The following FASN variants were observed in gnomAD, a reference collection of about 807,000 sequenced individuals.
FASN encodes the protein 3-hydroxyacyl-[acyl-carrier-protein] dehydratase.
A neutral mutation model predicts 250.0 loss-of-function variants in FASN; 50 were observed. That is an observed-to-expected ratio of 0.20 (90% CI 0.16 to 0.25). The LOEUF is 0.25. Ranked by LOEUF, FASN falls within the 10% of genes least tolerant of loss-of-function variation. FASN has a pLI of 1.00. For synonymous variants in FASN, 1,909 were observed against 1,584.0 expected, an observed-to-expected ratio of 1.21 and a Z score of -4.87; for missense variants, 3,031 against 3,498.5, an observed-to-expected ratio of 0.87 and a Z score of 3.37.
chr17:82,085,035 C>T lies in FASN; in HGVS notation c.4409G>A (p.Arg1470Gln), dbSNP rs1189747783. ...LRREPGGNRL[R>Q]CVLLSNLSST... ...AAGTGGTGAGGGGCCGTGCTCCTAC[C>T]GGAGGCGGTTCCCGCCGGGCTCTCG... is the stretch of plus-strand genomic sequence containing the variant. The change falls in exon 25 of 43, where the codon CGG becomes CAG. Residue 1470 changes from arginine to glutamine, a missense_variant and splice_region_variant. Physicochemically the swap from Arg to Gln is conservative, Grantham distance 43 (BLOSUM62 1). Transcript: ENST00000306749. The T allele has an allele frequency of 6.2e-7, 1 of 1,609,212 alleles. No homozygotes were observed.
At chr17:82,086,633 C>T (rs1295726607) in intron 21 of FASN, 75 bp from the exon 22 acceptor site, 1 of 1,142,034 alleles carries the variant, frequency 8.8e-7, no homozygotes, top group East Asian at 2.5e-5. Flanking sequence ...CTCAGACCCA[C>T]TCTGTCCTTC....
Position 82,087,050 on chromosome 17 carries a change from C to T in FASN, c.3427G>A (p.Gly1143Arg), listed in dbSNP as rs539559203. 8.1e-6 allele frequency: 13 copies of T among 1,611,016 alleles called. No homozygotes were observed. In the African/African-American group the frequency reaches 9.3e-5, roughly 12 times the overall value. Residue 1143 changes from glycine (G) to arginine (R), a missense_variant and splice_region_variant, in exon 21 of 43, where the codon GGG becomes AGG. Gly to Arg is a moderately radical substitution (Grantham distance 125, BLOSUM62 -2). Coordinates refer to ENST00000306749, the MANE Select transcript of FASN (RefSeq NM_004104.5). ...GAAGCCAGCAGGGCTGGGACCTCAC[C>T]CTTGCACAGTTGCAGCTCCTCCTGC... ...ALQEELQLCK[G>R]LVQALQTKVT...
chr17:82,081,593 G>C lies in FASN; in HGVS notation c.6406+8C>G. ...ACACCTGGCGCGGCTCCTACTGGGA[G>C]TGCTCACCCAGGATGTGTGCCACGG... On this transcript the variant is annotated splice_region_variant and intron_variant, in intron 37 of 42. Transcript: ENST00000306749. The C allele has an allele frequency of 6.2e-7, 1 of 1,612,106 alleles. No individual in the cohort carries two copies.
chr17:82,086,821 T>C (rs913674257), intron 21 of FASN, among the ~76,000 whole-genome samples: 1 of 151,944 alleles, frequency 6.6e-6, no homozygotes, highest in Non-Finnish European at 1.5e-5. Context: ...TCTGTCATCT[T>C]TGCCCCCAAG....
rs534301750 is a variant in FASN at position 82,091,001 on chromosome 17, G to A, written c.1561C>T (p.Leu521=). The A allele has an allele frequency of 5.0e-6, 8 of 1,612,874 alleles. No individual in the cohort carries two copies. Among genetic ancestry groups the A allele is most frequent in the Admixed American group, 1.7e-5 (1 of 60,026 alleles). ...GGCTTCACAGCCTCATCGGAGCGTAGGATGGAATCTCGGAAGCGGTCCAGG... is the reference window on the plus strand; with the variant it reads ...GGCTTCACAGCCTCATCGGAGCGTAAGATGGAATCTCGGAAGCGGTCCAGG... ...MRLDRFRDSI[L]RSDEAVKPFG... is the part of the protein sequence containing the mutation. The change falls in exon 10 of 43, where the codon CTA becomes TTA. Residue 521 remains leucine (L), a synonymous_variant. Coordinates refer to ENST00000306749, the MANE Select transcript of FASN (RefSeq NM_004104.5).
At chr17:82,089,211 C>T (rs765447923) in intron 13 of FASN, 39 bp from the exon 14 acceptor site, 5 of 1,607,116 alleles carry the variant, frequency 3.1e-6, no homozygotes, top group Non-Finnish European at 4.2e-6. Flanking sequence ...TTGTGGGTCC[C>T]CTGGCCCGCC....
At chr17:82,087,886 G>A in intron 18 of FASN, 25 bp from the exon 19 acceptor site, 1 of 1,612,492 alleles carries the variant, frequency 6.2e-7, no homozygotes, top group South Asian at 1.1e-5. Flanking sequence ...GTGCGGAAGG[G>A]CCTGAGGACG....
In FASN at chr17:82,080,402, C is replaced by T; in HGVS notation, c.7015G>A (p.Gly2339Ser). The T allele has an allele frequency of 1.2e-6, 2 of 1,602,802 alleles. No individual in the cohort carries two copies. The highest frequency in any genetic ancestry group is 1.7e-6 in the Non-Finnish European group (2 of 1,175,342). ...TAGGCCAGTACGTAGGTGGGCGAGC[C>T]GTCGAACAGGAAGAGGCTGTTGTGG... The part of the protein sequence containing the change: ...PTHNSLFLFD[G>S]SPTYVLAYTQ... The change falls in exon 40 of 43, where the codon GGC becomes AGC. Residue 2339 changes from glycine to serine, a missense_variant. Gly to Ser is a moderately conservative substitution (Grantham distance 56). Transcript: ENST00000306749.
chr17:82,085,160 C>T lies in FASN; in HGVS notation c.4288-4G>A, dbSNP rs529907218. The T allele has an allele frequency of 2.5e-6, 4 of 1,612,490 alleles. No individual in the cohort carries two copies. Among genetic ancestry groups the T allele is most frequent in the South Asian group, 1.1e-5 (1 of 91,080 alleles). On this transcript the variant is annotated splice_polypyrimidine_tract_variant and splice_region_variant and intron_variant, in intron 24 of 42. Transcript: ENST00000306749. The stretch of plus-strand genomic sequence containing the variant: ...AGTCTTCGTCAGCCAGGATGCCCTA[C>T]AGCGGGTCGGGGAGGGTCAGGCCAC...
At chr17:82,089,961 C>T (rs752729836) in intron 11 of FASN, among the ~76,000 whole-genome samples, 1 of 152,212 alleles carries the variant, frequency 6.6e-6, no homozygotes, top group Admixed American at 6.5e-5. Flanking sequence ...AGATGGTGGC[C>T]CCCTCAGTCC....
In FASN at chr17:82,093,200, C is replaced by T. The variant is rs1192905704; in HGVS notation, c.655+19G>A. 1.1e-5 allele frequency: 17 copies of T among 1,560,100 alleles called. No homozygotes were observed. Among genetic ancestry groups the T allele is most frequent in the South Asian group, 2.4e-5 (2 of 85,082 alleles). ...GTGCCACTGTCCCGCCTGCCCTGGC[C>T]GCGCAGCCGCACACTCACCCGCTGT... is the stretch of plus-strand genomic sequence containing the variant. On this transcript the variant is annotated intron_variant, in intron 5 of 42. Transcript: ENST00000306749.
intron 8 of FASN, 38 bp downstream of exon 8, chr17:82,092,417 C>T: frequency 1.9e-6 from 3 of 1,549,782 alleles, no homozygotes; most frequent in Non-Finnish European, 2.6e-6. Flanking sequence ...TCCCAGGGAG[C>T]AGGAGCCTGA....
At chr17:82,086,115 C>T in intron 22 of FASN, 139 bp downstream of exon 22, 1 of 1,448,480 alleles carries the variant, frequency 6.9e-7, no homozygotes, top group Non-Finnish European at 9.3e-7. Flanking sequence ...AGGACACGTG[C>T]ACAGAACCAC....
Position 82,088,001 on chromosome 17 carries a change from G to A in FASN, c.2819C>T (p.Ala940Val). Reference protein sequence around the residue: ...TVSLEVRLLEASRAFEVSENG... With the variant: ...TVSLEVRLLEVSRAFEVSENG... Reference sequence around the variant, plus strand: ...CTCTGACACCTCGAAGGCACGGGAGGCCTCCAGGAGCCGTACCTCCAGGGA... The same window carrying A: ...CTCTGACACCTCGAAGGCACGGGAGACCTCCAGGAGCCGTACCTCCAGGGA... The change falls in exon 18 of 43, where the codon GCC becomes GTC. Residue 940 changes from alanine (A) to valine (V), a missense_variant. Ala to Val is a moderately conservative substitution (Grantham distance 64). Coordinates refer to ENST00000306749, the MANE Select transcript of FASN (RefSeq NM_004104.5). The A allele has an allele frequency of 2.5e-6, 4 of 1,612,770 alleles. No individual in the cohort carries two copies. Among genetic ancestry groups the A allele is most frequent in the Non-Finnish European group, 3.4e-6 (4 of 1,179,972 alleles).
Position 82,084,734 on chromosome 17 carries a change from T to G in FASN, c.4565-18A>C, listed in dbSNP as rs1598576125. 6.4e-7 allele frequency: 1 copy of G among 1,551,874 alleles called. No individual in the cohort carries two copies. Among genetic ancestry groups the G allele is most frequent in the Non-Finnish European group, 8.7e-7 (1 of 1,147,820 alleles). ...AGGCTTGTCTAGGGAAACAGGGAGGTGGGGCTGCTGCGGGGCCTTCGGGTG... is the reference window on the plus strand; with the variant it reads ...AGGCTTGTCTAGGGAAACAGGGAGGGGGGGCTGCTGCGGGGCCTTCGGGTG... On this transcript the variant is annotated intron_variant, in intron 26 of 42. Transcript: ENST00000306749.
At position 82,092,950 on chromosome 17, in the gene FASN, A is replaced by G. The variant is rs979665338; in HGVS notation, c.725T>C (p.Val242Ala). 2 of 1,608,854 alleles carry G rather than the reference A, an allele frequency of 1.2e-6. No individual in the cohort carries two copies. The highest frequency in any genetic ancestry group is 2.2e-5 in the South Asian group (2 of 90,388). Residue 242 changes from valine to alanine, a missense_variant, in exon 6 of 43, where the codon GTG becomes GCG. Transcript: ENST00000306749. ...GCCGGCGTTCAGGATGGTGGCGTAC[A>G]CCCGCCGGGCCAGGGACTTCTTGGT... ...LLTKKSLARR[V>A]YATILNAGTN... is the part of the protein sequence containing the mutation.
intron 5 of FASN, 50 bp from the exon 6 acceptor site, chr17:82,093,069 C>T (rs745673063): frequency 3.1e-6 from 5 of 1,606,826 alleles, no homozygotes; most frequent in Non-Finnish European, 3.4e-6. Context: ...CGCCGGCCCC[C>T]ACCCCACCAG....
In FASN at chr17:82,085,824, G is replaced by T; in HGVS notation, c.3780C>A (p.Leu1260=). Residue 1260 remains leucine (L), a synonymous_variant, in exon 23 of 43, where the codon CTC becomes CTA. Transcript: ENST00000306749. ...GHLYSRIPGL[L]SPHPLLQLSY... is the part of the protein sequence containing the mutation. Reference sequence around the variant, plus strand: ...TCAGCTGCAGCAGGGGATGGGGGCTGAGCAGGCCTGGGATGCGGGAATACA... The same window carrying T: ...TCAGCTGCAGCAGGGGATGGGGGCTTAGCAGGCCTGGGATGCGGGAATACA... 1 of 1,558,262 alleles carries T rather than the reference G, an allele frequency of 6.4e-7. No homozygotes were observed. Among genetic ancestry groups the T allele is most frequent in the Non-Finnish European group, 8.7e-7 (1 of 1,155,984 alleles).
At position 82,098,091 on chromosome 17, in the gene FASN, CGCCCCGGCCCCA is replaced by C. The variant is rs2034334458; in HGVS notation, c.-8+18_-8+29del. 1 of 331,810 alleles carries C rather than the reference CGCCCCGGCCCCA, an allele frequency of 3.0e-6. No homozygotes were observed. Among genetic ancestry groups the C allele is most frequent in the Non-Finnish European group, 5.5e-6 (1 of 182,640 alleles). 20.6% of individuals were successfully genotyped at this position (331,810 alleles called of 1,614,324 possible). Reference sequence around the variant, plus strand: ...CGGGCCCAGCCCCGACCACGACCCGCGCCCCGGCCCCAGCGCCGGCTGCTCGTACCTGGTGAG... The same window carrying C: ...CGGGCCCAGCCCCGACCACGACCCGCGCGCCGGCTGCTCGTACCTGGTGAG... On this transcript the variant is annotated intron_variant, in intron 1 of 42. Coordinates refer to ENST00000306749, the MANE Select transcript of FASN (RefSeq NM_004104.5).
Sources: gnomAD v4.1 joint callset for allele counts (sites outside exome capture counted in the v4.1 genomes callset) on GRCh38, gnomAD v4.1.1 for gene constraint, MANE v1.5 for transcripts, NCBI Gene and HGNC (gene_info 2026-07-23, HGNC 2026-07-21) for gene names.